The following UBE2V2 variants were observed in gnomAD, a reference collection of about 807,000 sequenced individuals.
UBE2V2 encodes the protein ubiquitin conjugating enzyme E2 V2.
A neutral mutation model predicts 17.2 loss-of-function variants in UBE2V2; 9 were observed. The ratio of observed to expected loss-of-function variants is 0.52; its 90% confidence interval spans 0.32 to 0.91. The LOEUF (loss-of-function observed/expected upper bound fraction) is 0.91, where lower values mean the gene tolerates loss of function less well. UBE2V2 is among the 40% of genes least tolerant of loss of function. UBE2V2 has a pLI of 0.04. For missense variants in UBE2V2, 133 were observed against 182.6 expected, an observed-to-expected ratio of 0.73 and a Z score of 1.56; for synonymous variants, 61 against 57.5, an observed-to-expected ratio of 1.06 and a Z score of -0.28.
At chr8:48,058,682 G>T (rs2091589098) in intron 3 of UBE2V2, among the ~76,000 whole-genome samples, 1 of 151,800 alleles carries the variant, frequency 6.6e-6, no homozygotes, top group African/African-American at 2.4e-5. Context: ...TATGATGTTA[G>T]CTCTAAGTTT....
intron 1 of UBE2V2, among the ~76,000 whole-genome samples, chr8:48,010,893 ATT>A (rs765787547): frequency 6.6e-5 from 7 of 106,260 alleles, no homozygotes; most frequent in Admixed American, 2.0e-4. Flanking sequence ...TTTTTTTTGT[ATT>A]TTTTTTTTTT....
At chr8:48,004,818 C>T (rs1043918883), upstream of UBE2V2, among the ~76,000 whole-genome samples, 3 of 151,826 alleles carry the variant, frequency 2.0e-5, no homozygotes, top group Admixed American at 6.6e-5. Flanking sequence ...CGTGAGCCAC[C>T]GCACCTGGCC....
intron 1 of UBE2V2, among the ~76,000 whole-genome samples, chr8:48,032,621 C>T (rs1273942447): frequency 3.9e-5 from 6 of 151,950 alleles, no homozygotes; most frequent in Non-Finnish European, 7.4e-5. Context: ...CTGCGTGTGG[C>T]GGTGCATGCC....
intron 3 of UBE2V2, among the ~76,000 whole-genome samples, chr8:48,052,020 A>G (rs1449061764): frequency 6.6e-6 from 1 of 152,180 alleles, no homozygotes; most frequent in African/African-American, 2.4e-5. Context: ...TGACATGTTC[A>G]GGTTTAAACA....
chr8:48,042,870 G>A lies in UBE2V2; in HGVS notation c.17-163G>A, dbSNP rs956477227. On this transcript the variant is annotated intron_variant, in intron 1 of 3. Transcript: ENST00000523111. ...TTCTTTAGTGTTTTCATTTTGAGGG[G>A]TTATTAGATTCAGCATTTTCTGGAG... is the stretch of plus-strand genomic sequence containing the variant. 10 of 580,722 alleles carry A rather than the reference G, an allele frequency of 1.7e-5. No individual in the cohort carries two copies. In the Admixed American group the frequency reaches 2.6e-4, roughly 15 times the overall value. The allele number at this position is 580,722 out of a possible 1,614,324, so 36.0% of individuals were successfully genotyped here.
chr8:48,025,011 T>G (rs1274488045), intron 1 of UBE2V2, among the ~76,000 whole-genome samples: 1 of 151,878 alleles, frequency 6.6e-6, no homozygotes, highest in African/African-American at 2.4e-5. Flanking sequence ...CTCAGCTCAC[T>G]GCAACCTCCG....
At chr8:48,020,047 T>TC (rs1410593669) in intron 1 of UBE2V2, among the ~76,000 whole-genome samples, 2 of 141,390 alleles carry the variant, frequency 1.4e-5, no homozygotes, top group Non-Finnish European at 3.1e-5. Context: ...TCTGTCTCTC[T>TC]TTTTTTTTTT....
upstream of UBE2V2, among the ~76,000 whole-genome samples, chr8:48,004,986 C>T (rs540513865): frequency 2.0e-5 from 3 of 151,160 alleles, no homozygotes; most frequent in East Asian, 5.8e-4. Flanking sequence ...AACCAGAATG[C>T]CAGCTTTTTT....
intron 1 of UBE2V2, among the ~76,000 whole-genome samples, chr8:48,038,933 T>C (rs2091442907): frequency 1.3e-5 from 2 of 151,184 alleles, no homozygotes; most frequent in African/African-American, 2.4e-5. Flanking sequence ...TCCTGATTTT[T>C]TTTTTTTTTT....
chr8:48,059,062 A>G (rs1377546567), intron 3 of UBE2V2, among the ~76,000 whole-genome samples: 1 of 151,764 alleles, frequency 6.6e-6, no homozygotes, highest in East Asian at 1.9e-4. Context: ...GCACACCACC[A>G]TGCTAAATAT....
the UBE2V2 span, among the ~76,000 whole-genome samples, chr8:48,000,598 G>GA: frequency 2.0e-5 from 3 of 152,016 alleles, no homozygotes; most frequent in Non-Finnish European, 4.4e-5. Flanking sequence ...GAGGTGGGCA[G>GA]ATCACGAGGT....
intron 2 of UBE2V2, chr8:48,043,420 G>GTTTT: frequency 3.3e-6 from 1 of 301,310 alleles, no homozygotes. Context: ...TAGTAAGGGA[G>GTTTT]AAAAAATCAG....
intron 1 of UBE2V2, chr8:48,035,172 G>A (rs1484576070): frequency 1.0e-5 from 10 of 953,810 alleles, no homozygotes; most frequent in Admixed American, 1.5e-4. Context: ...CTGTAGTGCA[G>A]TGGCACAATC....
chr8:48,008,520 C>T (rs772278928), intron 1 of UBE2V2, 50 bp downstream of exon 1: 2 of 1,540,806 alleles, frequency 1.3e-6, no homozygotes, highest in East Asian at 2.7e-5. Context: ...CCCGGCTCTG[C>T]CCCTCCGTCT....
rs531764019 is a variant in UBE2V2, at chr8:48,063,688, T to C, written c.*2860T>C. Reference sequence around the variant, plus strand: ...GGGTTTATGTGTAACTACAGGATTTTGGAACATAAACATTTTGAAGGATAG... The same window carrying C: ...GGGTTTATGTGTAACTACAGGATTTCGGAACATAAACATTTTGAAGGATAG... On this transcript the variant is annotated 3_prime_UTR_variant, in exon 4 of 4. Transcript: ENST00000523111. 5 of 152,318 alleles carry C rather than the reference T, an allele frequency of 3.3e-5. No individual in the cohort carries two copies. The East Asian group carries it at 9.6e-4, about 29-fold the overall frequency. 9.4% of individuals were successfully genotyped at this position (152,318 alleles called of 1,614,324 possible).
intron 1 of UBE2V2, among the ~76,000 whole-genome samples, chr8:48,017,430 A>G (rs891505070): frequency 8.7e-5 from 13 of 149,758 alleles, no homozygotes; most frequent in East Asian, 4.0e-4. Context: ...CTGGAGTGCA[A>G]TGGCACGATC....
At chr8:48,000,567 A>G in the UBE2V2 span, among the ~76,000 whole-genome samples, 1 of 152,124 alleles carries the variant, frequency 6.6e-6, no homozygotes, top group Non-Finnish European at 1.5e-5. Context: ...CATGCCTGTA[A>G]TCCCAGCACT....
At chr8:48,001,877 G>A in the UBE2V2 span, among the ~76,000 whole-genome samples, 8 of 152,230 alleles carry the variant, frequency 5.3e-5, no homozygotes, top group East Asian at 7.7e-4. Flanking sequence ...ATCACTTGAG[G>A]TCAGGAGTTT....
chr8:48,008,558 C>G (rs1174963758), intron 1 of UBE2V2, 88 bp downstream of exon 1: 20 of 1,480,034 alleles, frequency 1.4e-5, no homozygotes, highest in Non-Finnish European at 1.8e-5. Context: ...GCTGACCGTG[C>G]GGGAGAAGCC....
Sources: gnomAD v4.1 joint callset for allele counts (sites outside exome capture counted in the v4.1 genomes callset) on GRCh38, gnomAD v4.1.1 for gene constraint, MANE v1.5 for transcripts, NCBI Gene and HGNC (gene_info 2026-07-23, HGNC 2026-07-21) for gene names.